The following DDHD2 variants were observed in gnomAD, a reference collection of about 807,000 sequenced individuals.
DDHD2 encodes triacylglycerol hydrolase DDHD2.
In DDHD2, 62 loss-of-function variants were observed where a neutral mutation model predicts 91.2. That is an observed-to-expected ratio of 0.68 (90% confidence interval 0.55 to 0.84). The LOEUF is 0.84. Ranked by LOEUF, DDHD2 falls within the 40% of genes least tolerant of loss-of-function variation. The pLI, the probability that DDHD2 is intolerant of heterozygous loss-of-function variation, is 0.00. For missense variants in DDHD2, 740 were observed against 846.9 expected (o/e 0.87, Z 1.57); for synonymous variants, 271 against 293.9 (o/e 0.92, Z 0.80).
At chr8:38,264,827 CATCTT>C, downstream of DDHD2, 1 of 1,574,992 alleles carries the variant, frequency 6.3e-7, no homozygotes, top group Non-Finnish European at 8.6e-7. Flanking sequence ...AATCAAAACA[CATCTT>C]AAGTAAGTAT....
chr8:38,258,565 C>G (rs1806724099), intron 16 of DDHD2, among the ~76,000 whole-genome samples: 1 of 152,106 alleles, frequency 6.6e-6, no homozygotes, highest in African/African-American at 2.4e-5. Flanking sequence ...AATTAAATTC[C>G]TATACATAAA....
intron 5 of DDHD2, chr8:38,238,705 T>C: frequency 1.0e-6 from 1 of 961,560 alleles, no homozygotes; most frequent in Non-Finnish European, 1.2e-6. Flanking sequence ...TTTAAAAAGA[T>C]GAGTTTAAAA....
At chr8:38,268,093 G>A in intron 1 of DDHD2, 1 of 1,493,614 alleles carries the variant, frequency 6.7e-7, no homozygotes, top group Non-Finnish European at 8.9e-7. Flanking sequence ...AAATAATTAG[G>A]GTCCTCAGTG....
intron 5 of DDHD2, among the ~76,000 whole-genome samples, 159 bp from the exon 6 acceptor site, chr8:38,240,116 T>C (rs997251514): frequency 2.6e-5 from 4 of 152,138 alleles, no homozygotes; most frequent in African/African-American, 4.8e-5. Flanking sequence ...CCAAGTAAAA[T>C]CAGTGTATTT....
At position 38,247,567 on chromosome 8, in the gene DDHD2, C is replaced by T. The variant is rs113347513; in HGVS notation, c.1126-146C>T. ...CAATTGAAGTTGCAAAACCTTGGAACCTCTTAATTTATATCTTGCATAAAT... is the reference window on the plus strand; with the variant it reads ...CAATTGAAGTTGCAAAACCTTGGAATCTCTTAATTTATATCTTGCATAAAT... On this transcript the variant is annotated intron_variant, in intron 9 of 17. Transcript: ENST00000397166. 1,192 of 464,170 alleles carry T rather than the reference C, an allele frequency of 2.6e-3. 7 individuals are homozygous for T. The highest frequency in any genetic ancestry group is 0.023 in the African/African-American group (1,122 of 49,458). The allele number at this position is 464,170 out of a possible 1,614,324, so 28.8% of individuals were successfully genotyped here. A position where few individuals can be genotyped will look rare whatever the true frequency, so the allele number is the denominator to read the frequency against.
At chr8:38,257,635 A>C (rs1182566694) in intron 16 of DDHD2, among the ~76,000 whole-genome samples, 1 of 145,418 alleles carries the variant, frequency 6.9e-6, no homozygotes, top group East Asian at 2.0e-4. Context: ...GATCTTCCTT[A>C]CTTTCCAAAA....
intron 6 of DDHD2, 141 bp downstream of exon 6, chr8:38,240,505 G>A (rs1207998964): frequency 2.0e-6 from 1 of 494,214 alleles, no homozygotes; most frequent in African/African-American, 1.9e-5. Context: ...AAGCTTCTCA[G>A]CTTAGACCTG....
chr8:38,262,582 C>G lies in DDHD2; in HGVS notation c.*2009C>G, dbSNP rs894303134. 16 of 152,172 alleles carry G rather than the reference C, an allele frequency of 1.1e-4. No homozygotes were observed. Among genetic ancestry groups the G allele is most frequent in the African/African-American group, 3.4e-4 (14 of 41,442 alleles). 9.4% of individuals were successfully genotyped at this position (152,172 alleles called of 1,614,324 possible). A position where few individuals can be genotyped will look rare whatever the true frequency, so the allele number is the denominator to read the frequency against. ...TCTCTAGACCAACCCTATTTTTAAA[C>G]TCTGGTACAGCATCATTTTGTACAT... On this transcript the variant is annotated 3_prime_UTR_variant, in exon 18 of 18. Coordinates refer to ENST00000397166, the MANE Select transcript of DDHD2 (RefSeq NM_015214.3).
chr8:38,240,340 C>G lies in DDHD2; in HGVS notation c.688C>G (p.Arg230Gly), dbSNP rs764149817. Residue 230 changes from arginine (R) to glycine (G), a missense_variant, in exon 6 of 18, where the codon CGC (arginine) becomes GGC (glycine). Coordinates refer to ENST00000397166, the MANE Select transcript of DDHD2 (RefSeq NM_015214.3). Reference protein sequence around the residue: ...VHGIGPACDLRFRSIVQCVND... With the variant: ...VHGIGPACDLGFRSIVQCVND... ...TGGGATTGGACCAGCTTGTGATCTCCGCTTTCGAAGCATTGTACAGTGTGG... is the reference window on the plus strand; with the variant it reads ...TGGGATTGGACCAGCTTGTGATCTCGGCTTTCGAAGCATTGTACAGTGTGG... The G allele has an allele frequency of 1.2e-6, 2 of 1,609,698 alleles. No individual in the cohort carries two copies. Among genetic ancestry groups the G allele is most frequent in the Non-Finnish European group, 1.7e-6 (2 of 1,176,856 alleles).
At chr8:38,234,160 C>G (rs1804514960) in intron 2 of DDHD2, among the ~76,000 whole-genome samples, 1 of 151,904 alleles carries the variant, frequency 6.6e-6, no homozygotes, top group African/African-American at 2.4e-5. Context: ...AGAAAAAGAA[C>G]AAAACTGGGT....
Position 38,238,164 on chromosome 8 carries a change from A to G in DDHD2, c.577A>G (p.Thr193Ala), listed in dbSNP as rs754907740. 7.4e-6 allele frequency: 12 copies of G among 1,613,980 alleles called. No homozygotes were observed. In the Admixed American group the frequency reaches 1.8e-4, roughly 25 times the overall value. The change falls in exon 5 of 18, where the codon ACT becomes GCT. Residue 193 changes from threonine to alanine, a missense_variant. Around this residue, in one of 2 missense-constraint regions of DDHD2, gnomAD observed 693 missense variants for 764.2 expected, o/e 0.91. Transcript: ENST00000397166. ...ACCCACGGAGCAGGGTCGACCAAGA[A>G]CTGTGAAGAGAGGAGTTGAGAACAT... ...STPTEQGRPRTVKRGVENISV... is the reference protein window; with the variant it reads ...STPTEQGRPRAVKRGVENISV...
chr8:38,243,809 T>C (rs1404928667), intron 7 of DDHD2, among the ~76,000 whole-genome samples: 2 of 131,046 alleles, frequency 1.5e-5, no homozygotes, highest in East Asian at 2.0e-4. Context: ...TTTTTTTATC[T>C]TTTTTTTTTT....
chr8:38,255,792 G>A (rs2130866023), intron 16 of DDHD2, among the ~76,000 whole-genome samples: 1 of 150,990 alleles, frequency 6.6e-6, no homozygotes, highest in South Asian at 2.1e-4. Flanking sequence ...CTTTTCTTTT[G>A]CACACACCTT....
At chr8:38,252,412 A>G in intron 13 of DDHD2, 125 bp downstream of exon 13, 1 of 1,084,096 alleles carries the variant, frequency 9.2e-7, no homozygotes, top group Non-Finnish European at 1.3e-6. Context: ...ACAACTTATA[A>G]TAGTATTGAT....
Position 38,247,712 on chromosome 8 carries a change from G to T in DDHD2, c.1126-1G>T. ...TATGAGCTTTATAATTTAATTTTTAGGATTCGCTAAATATTGTAATGGATC... is the reference window on the plus strand; with the variant it reads ...TATGAGCTTTATAATTTAATTTTTATGATTCGCTAAATATTGTAATGGATC... On this transcript the variant is annotated splice_acceptor_variant, in intron 9 of 17. Transcript: ENST00000397166. LOFTEE classifies it high-confidence loss of function. The T allele has an allele frequency of 6.7e-7, 1 of 1,485,620 alleles. No individual in the cohort carries two copies. The highest frequency in any genetic ancestry group is 2.5e-5 in the Admixed American group (1 of 40,562). The allele number at this position is 1,485,620 out of a possible 1,614,324, so 92.0% of individuals were successfully genotyped here.
intron 12 of DDHD2, 29 bp from the exon 13 acceptor site, chr8:38,252,103 G>T: frequency 6.2e-7 from 1 of 1,612,538 alleles, no homozygotes; most frequent in South Asian, 1.1e-5. Flanking sequence ...TGTTATTAAT[G>T]AGAGATGCTT....
At chr8:38,258,564 C>G (rs1806723892) in intron 16 of DDHD2, among the ~76,000 whole-genome samples, 1 of 152,138 alleles carries the variant, frequency 6.6e-6, no homozygotes, top group African/African-American at 2.4e-5. Flanking sequence ...TAATTAAATT[C>G]CTATACATAA....
chr8:38,245,454 CTCTT>C (rs985153745), intron 7 of DDHD2, among the ~76,000 whole-genome samples: 4 of 150,986 alleles, frequency 2.6e-5, no homozygotes, highest in African/African-American at 9.7e-5. Context: ...AAAGAAAAGT[CTCTT>C]TAATTTATTT....
At chr8:38,267,917 T>C (rs774317978) in intron 1 of DDHD2, 1 of 1,613,948 alleles carries the variant, frequency 6.2e-7, no homozygotes, top group Non-Finnish European at 8.5e-7. Flanking sequence ...TCAGTTTTAT[T>C]GTGTTGGTAA....
Sources: allele counts gnomAD v4.1 joint callset (sites outside exome capture counted in the v4.1 genomes callset), GRCh38; gene constraint gnomAD v4.1.1; regional missense constraint gnomAD v4.1.1; transcripts MANE v1.5; gene names NCBI Gene and HGNC (gene_info 2026-07-23, HGNC 2026-07-21).